Variants in ZDHHC15 observed in about 807,000 individuals in gnomAD.
ZDHHC15 encodes the protein palmitoyltransferase ZDHHC15.
In ZDHHC15, 19 loss-of-function variants were observed where a neutral mutation model predicts 31.7. The ratio of observed to expected loss-of-function variants is 0.60; its 90% CI spans 0.42 to 0.88. ZDHHC15 has a LOEUF of 0.88. ZDHHC15 is among the 40% of genes least tolerant of loss of function. The pLI is 0.00. For missense variants in ZDHHC15, 209 were observed against 251.2 expected (o/e 0.83, Z 1.14); for synonymous variants, 103 against 90.0 (o/e 1.14, Z -0.82).
chrX:75,438,245 G>A (rs978278554), intron 4 of ZDHHC15, among the ~76,000 whole-genome samples: 19 of 111,667 alleles, frequency 1.7e-4, no homozygotes, highest in Non-Finnish European at 2.6e-4. Flanking sequence ...GGCCTGTCTC[G>A]TGCTGTCAGT....
chrX:75,423,337 C>A lies in ZDHHC15; in HGVS notation c.736+1315G>T, dbSNP rs56328489. ...AGTGAATTTTTTTTTCTGAACCCCT[C>A]CCTCCTCCCATACTCCTTCCTCAAG... On this transcript the variant is annotated intron_variant, in intron 8 of 11. Coordinates refer to ENST00000373367, the MANE Select transcript of ZDHHC15 (RefSeq NM_144969.3). 3.4e-3 allele frequency among the ~76,000 whole-genome samples: 363 copies of A among 107,809 alleles called. 4 individuals carry two copies. The highest frequency in any genetic ancestry group is 0.012 in the African/African-American group (345 of 29,532). The allele number at this position is 107,809 out of a possible 115,157, so 93.6% of individuals were successfully genotyped here.
chrX:75,438,010 C>T (rs1240262226), intron 4 of ZDHHC15, among the ~76,000 whole-genome samples: 6 of 111,255 alleles, frequency 5.4e-5, no homozygotes, highest in African/African-American at 2.0e-4. Flanking sequence ...TTTATGCAGC[C>T]AAAAAACACA....
intron 10 of ZDHHC15, among the ~76,000 whole-genome samples, chrX:75,412,906 C>T (rs1426113877): frequency 1.8e-5 from 2 of 111,613 alleles, no homozygotes; most frequent in Admixed American, 1.9e-4. Context: ...TTACCAGAGG[C>T]AGGCAGGGTT....
intron 1 of ZDHHC15, among the ~76,000 whole-genome samples, chrX:75,517,478 A>G (rs2085375600): frequency 9.4e-6 from 1 of 106,719 alleles, no homozygotes; most frequent in Admixed American, 1.0e-4. Flanking sequence ...TCAGCAAACT[A>G]TCGCAAGGAC....
At chrX:75,384,151 G>T (rs781603989) in intron 10 of ZDHHC15, among the ~76,000 whole-genome samples, 3 of 111,318 alleles carry the variant, frequency 2.7e-5, no homozygotes, top group South Asian at 7.6e-4. Flanking sequence ...CTCATATGAG[G>T]GAATAAAAGA....
chrX:75,515,077 T>C (rs1265088691), intron 1 of ZDHHC15, among the ~76,000 whole-genome samples: 2 of 111,298 alleles, frequency 1.8e-5, no homozygotes, highest in African/African-American at 6.5e-5. Context: ...ATTGAGGCAA[T>C]AATTAATAGT....
chrX:75,463,602 AAC>A (rs2084355699), intron 3 of ZDHHC15, among the ~76,000 whole-genome samples: 1 of 111,146 alleles, frequency 9.0e-6, no homozygotes, highest in Non-Finnish European at 1.9e-5. Context: ...CAACAACAAC[AAC>A]AAAAAACCCA....
At chrX:75,423,904 A>T (rs1165323971) in intron 8 of ZDHHC15, among the ~76,000 whole-genome samples, 1 of 110,831 alleles carries the variant, frequency 9.0e-6, no homozygotes, top group Non-Finnish European at 1.9e-5. Context: ...CTAGCTAAAC[A>T]TTCAACATTC....
chrX:75,398,218 A>T (rs970940616), intron 10 of ZDHHC15, among the ~76,000 whole-genome samples: 4 of 112,366 alleles, frequency 3.6e-5, no homozygotes, highest in South Asian at 3.7e-4. Flanking sequence ...GGGGCGAGCC[A>T]CCATCTTTGC....
chrX:75,387,858 T>A (rs1229658836), intron 10 of ZDHHC15, among the ~76,000 whole-genome samples: 1 of 111,988 alleles, frequency 8.9e-6, no homozygotes, highest in African/African-American at 3.2e-5. Context: ...AGGCACATAA[T>A]AGTCAAACTA....
chrX:75,384,305 C>G, intron 10 of ZDHHC15: 2 of 639,016 alleles, frequency 3.1e-6, no homozygotes. Flanking sequence ...CTGGTAAATG[C>G]CCTTTTGGCT....
chrX:75,393,684 C>T (rs1261038253), intron 10 of ZDHHC15, among the ~76,000 whole-genome samples: 1 of 111,711 alleles, frequency 9.0e-6, no homozygotes, highest in Non-Finnish European at 1.9e-5. Flanking sequence ...AGAACTCCAT[C>T]CTTAATATTC....
chrX:75,501,440 A>G (rs1180549199), intron 2 of ZDHHC15: 1 of 111,081 alleles, frequency 9.0e-6, no homozygotes, highest in Non-Finnish European at 1.9e-5. Context: ...TTTATGGTAA[A>G]ATGATTTATA....
At chrX:75,428,279 T>C (rs765170834) in intron 7 of ZDHHC15, among the ~76,000 whole-genome samples, 1 of 111,895 alleles carries the variant, frequency 8.9e-6, no homozygotes, top group East Asian at 2.8e-4. Context: ...AAAGAACATA[T>C]TTCACTATAC....
At chrX:75,485,603 T>C (rs1275430969) in intron 2 of ZDHHC15, among the ~76,000 whole-genome samples, 1 of 110,622 alleles carries the variant, frequency 9.0e-6, no homozygotes, top group Non-Finnish European at 1.9e-5. Flanking sequence ...GGATGGGAGG[T>C]CCAGCCCAGC....
intron 7 of ZDHHC15, among the ~76,000 whole-genome samples, chrX:75,426,985 T>C (rs1306341968): frequency 9.0e-6 from 1 of 111,700 alleles, no homozygotes; most frequent in Non-Finnish European, 1.9e-5. Context: ...TCAGATGAGA[T>C]AAGGGGTATG....
intron 7 of ZDHHC15, among the ~76,000 whole-genome samples, chrX:75,427,860 T>C (rs1015830612): frequency 9.0e-6 from 1 of 111,424 alleles, no homozygotes; most frequent in Non-Finnish European, 1.9e-5. Context: ...ATTAAATATC[T>C]GAACTGATTA....
chrX:75,414,124 T>C (rs895879842), intron 10 of ZDHHC15, among the ~76,000 whole-genome samples: 1 of 112,044 alleles, frequency 8.9e-6, no homozygotes, highest in Non-Finnish European at 1.9e-5. Context: ...AGCTAAAATA[T>C]AGCCCCAAGA....
In ZDHHC15 at chrX:75,417,254, C is replaced by A. The variant is rs1253315153; in HGVS notation, c.864-64G>T. On this transcript the variant is annotated intron_variant, in intron 9 of 11. Coordinates refer to ENST00000373367, the MANE Select transcript of ZDHHC15 (RefSeq NM_144969.3). Reference sequence around the variant, plus strand: ...CATAGACTTTTGTGAAGGTTATAATCCTCTTAAAAACAAGAGGGGGGTTCT... The same window carrying A: ...CATAGACTTTTGTGAAGGTTATAATACTCTTAAAAACAAGAGGGGGGTTCT... 4 of 822,778 alleles carry A rather than the reference C, an allele frequency of 4.9e-6. No individual in the cohort carries two copies. The East Asian group carries it at 1.3e-4, about 27-fold the overall frequency. 67.8% of individuals were successfully genotyped at this position (822,778 alleles called of 1,213,427 possible). A position where few individuals can be genotyped will look rare whatever the true frequency, so the allele number is the denominator to read the frequency against.
Sources: gnomAD v4.1 joint callset for allele counts (sites outside exome capture counted in the v4.1 genomes callset) on GRCh38, gnomAD v4.1.1 for gene constraint, MANE v1.5 for transcripts, NCBI Gene and HGNC (gene_info 2026-07-23, HGNC 2026-07-21) for gene names.